MARCHF1: variants seen among roughly 807,000 people sequenced by gnomAD.
MARCHF1 encodes the protein E3 ubiquitin-protein ligase MARCHF1.
Under a neutral mutation model 54.2 loss-of-function variants are expected in MARCHF1, and 40 were observed. The observed-to-expected ratio is 0.74, with a 90% confidence interval of 0.57 to 0.96. The LOEUF (loss-of-function observed/expected upper bound fraction) is 0.96, where lower values mean the gene tolerates loss of function less well. Among genes scored for constraint, MARCHF1 ranks in the 40% least tolerant of loss-of-function variants. The pLI is 0.00. For missense variants in MARCHF1, 586 were observed against 656.5 expected, an observed-to-expected ratio of 0.89 and a Z score of 1.17; for synonymous variants, 236 against 236.3, an observed-to-expected ratio of 1.00 and a Z score of 0.01.
chr4:163,689,653 ATT>A (rs199732729), intron 5 of MARCHF1, among the ~76,000 whole-genome samples: 8 of 138,472 alleles, frequency 5.8e-5, no homozygotes, highest in African/African-American at 2.1e-4. Context: ...ACCTGCGTGG[ATT>A]TTTTTTTTTT....
At chr4:164,029,943 T>A (rs1284450141) in intron 2 of MARCHF1, among the ~76,000 whole-genome samples, 1 of 152,224 alleles carries the variant, frequency 6.6e-6, no homozygotes, top group Non-Finnish European at 1.5e-5. Flanking sequence ...AATTTGTAAA[T>A]GTTTCCTTTC....
intron 3 of MARCHF1, among the ~76,000 whole-genome samples, chr4:163,872,772 C>A (rs934134423): frequency 6.6e-6 from 1 of 152,010 alleles, no homozygotes; most frequent in African/African-American, 2.4e-5. Flanking sequence ...CGGCCGGGCG[C>A]GGTGGCTCAC....
intron 1 of MARCHF1, among the ~76,000 whole-genome samples, chr4:164,162,771 C>A (rs1012556321): frequency 1.3e-5 from 2 of 152,020 alleles, no homozygotes; most frequent in Non-Finnish European, 2.9e-5. Context: ...TTATCTAATA[C>A]AAGAGCTCAG....
intron 4 of MARCHF1, among the ~76,000 whole-genome samples, chr4:163,829,531 G>A (rs1361222371): frequency 1.3e-5 from 2 of 152,116 alleles, no homozygotes; most frequent in East Asian, 1.9e-4. Context: ...TTCAGGAGTT[G>A]CCAAATCTCC....
intron 4 of MARCHF1, chr4:163,828,713 A>G (rs1748926527): frequency 6.6e-6 from 1 of 152,232 alleles, no homozygotes; most frequent in African/African-American, 2.4e-5. Flanking sequence ...TGTGGACCAT[A>G]AAACAACATT....
At chr4:163,661,709 G>A (rs28505919) in intron 5 of MARCHF1, among the ~76,000 whole-genome samples, 25,609 of 151,658 alleles carry the variant, frequency 0.17, 2,641 homozygotes, top group East Asian at 0.39. Flanking sequence ...CATCCACATA[G>A]TCAAGTGAGT....
At chr4:163,872,550 C>T (rs1560797665) in intron 3 of MARCHF1, among the ~76,000 whole-genome samples, 1 of 152,108 alleles carries the variant, frequency 6.6e-6, no homozygotes, top group Non-Finnish European at 1.5e-5. Context: ...AGTGCTGTAT[C>T]ACTAAGTAAA....
chr4:163,590,929 C>T (rs192255795), intron 7 of MARCHF1, among the ~76,000 whole-genome samples: 10 of 151,692 alleles, frequency 6.6e-5, no homozygotes, highest in East Asian at 1.9e-4. Flanking sequence ...CCCATCTATA[C>T]GTGTTAAATT....
chr4:163,549,201 C>G (rs542992740), intron 8 of MARCHF1, among the ~76,000 whole-genome samples: 1 of 152,326 alleles, frequency 6.6e-6, no homozygotes, highest in African/African-American at 2.4e-5. Context: ...TTCTTGAGCT[C>G]CGCTTTGGAG....
In MARCHF1 at chr4:163,527,701, A is replaced by AAGCTT. The variant is rs1242052217; in HGVS notation, c.*1042_*1046dup. ...ACTCAACAACTGTTAAATAAAGCAG[A>AAGCTT]AGCTTAGTCTCTAATTTTACGGCTG... On this transcript the variant is annotated 3_prime_UTR_variant, in exon 10 of 10. Coordinates refer to ENST00000514618, the MANE Select transcript of MARCHF1 (RefSeq NM_001394959.1). The AAGCTT allele has an allele frequency of 1.3e-5, 2 of 151,904 alleles. No homozygotes were observed. Among genetic ancestry groups the AAGCTT allele is most frequent in the Non-Finnish European group, 2.9e-5 (2 of 67,880 alleles). 9.4% of individuals were successfully genotyped at this position (151,904 alleles called of 1,614,324 possible).
rs1036883210 is a variant in MARCHF1 at position 163,805,381 on chromosome 4, C to T, written c.111+48640G>A. Among the ~76,000 whole-genome samples the T allele has an allele frequency of 4.3e-5, 6 of 141,012 alleles. No homozygotes were observed. The East Asian group carries it at 1.1e-3, about 25-fold the overall frequency. The allele number at this position is 141,012 out of a possible 152,430, so 92.5% of individuals were successfully genotyped here. The stretch of plus-strand genomic sequence containing the variant: ...TATTTCACTGTCTCTAAAAAAAAAA[C>T]ATTCAACAAGTTTATAGTTGATACA... On this transcript the variant is annotated intron_variant, in intron 4 of 9. Coordinates refer to ENST00000514618, the MANE Select transcript of MARCHF1 (RefSeq NM_001394959.1).
intron 3 of MARCHF1, among the ~76,000 whole-genome samples, chr4:163,949,331 C>T (rs1413446048): frequency 2.0e-5 from 3 of 152,158 alleles, no homozygotes; most frequent in Non-Finnish European, 4.4e-5. Flanking sequence ...CACAGTGGCA[C>T]CTAGAAGCTT....
At chr4:163,853,321 T>C (rs993600516) in intron 4 of MARCHF1, among the ~76,000 whole-genome samples, 4 of 152,176 alleles carry the variant, frequency 2.6e-5, no homozygotes, top group Admixed American at 6.5e-5. Flanking sequence ...ATATCTAATA[T>C]TAGTTTAAAA....
At chr4:163,875,965 C>T (rs1425904574) in intron 3 of MARCHF1, among the ~76,000 whole-genome samples, 1 of 151,678 alleles carries the variant, frequency 6.6e-6, no homozygotes, top group East Asian at 1.9e-4. Context: ...GAACACAGAA[C>T]CATAAGGACA....
intron 4 of MARCHF1, among the ~76,000 whole-genome samples, chr4:163,801,499 T>G (rs1748080459): frequency 6.6e-6 from 1 of 152,152 alleles, no homozygotes; most frequent in Non-Finnish European, 1.5e-5. Flanking sequence ...ACGGAAATAC[T>G]TTGAATTCCA....
chr4:163,634,614 A>G (rs1258446072), intron 5 of MARCHF1, among the ~76,000 whole-genome samples: 2 of 152,190 alleles, frequency 1.3e-5, no homozygotes, highest in East Asian at 1.9e-4. Context: ...TGAGTGACCT[A>G]CAAAGAGACT....
At chr4:164,231,631 C>T (rs1427989655) in intron 1 of MARCHF1, among the ~76,000 whole-genome samples, 3 of 152,014 alleles carry the variant, frequency 2.0e-5, no homozygotes, top group Non-Finnish European at 4.4e-5. Flanking sequence ...TTTGATACGC[C>T]ATGGAGAACT....
intron 4 of MARCHF1, among the ~76,000 whole-genome samples, chr4:163,775,182 T>C (rs577925299): frequency 3.9e-5 from 6 of 152,312 alleles, no homozygotes; most frequent in African/African-American, 1.2e-4. Flanking sequence ...AAACAGCTTT[T>C]GCATTGCTGT....
At chr4:163,728,273 T>G (rs569411798) in intron 4 of MARCHF1, among the ~76,000 whole-genome samples, 1 of 152,192 alleles carries the variant, frequency 6.6e-6, no homozygotes, top group East Asian at 1.9e-4. Flanking sequence ...TAATGTCAGG[T>G]AGTGGCAGTG....
Sources: allele counts gnomAD v4.1 joint callset (sites outside exome capture counted in the v4.1 genomes callset), GRCh38; gene constraint gnomAD v4.1.1; transcripts MANE v1.5; gene names NCBI Gene and HGNC (gene_info 2026-07-23, HGNC 2026-07-21).